The following GSE1 variants were observed in gnomAD, a reference collection of about 807,000 sequenced individuals.
The protein encoded by GSE1 is Gse1 coiled-coil protein.
A neutral mutation model predicts 112.6 loss-of-function variants in GSE1; 32 were observed. The ratio of observed to expected loss-of-function variants is 0.28; its 90% CI spans 0.21 to 0.38. The LOEUF (loss-of-function observed/expected upper bound fraction) is 0.38, where lower values mean the gene tolerates loss of function less well. Among genes scored for constraint, GSE1 ranks in the 10% least tolerant of loss-of-function variants. The pLI is 1.00. For missense variants in GSE1, 2,348 were observed against 1,699.2 expected (o/e 1.38, Z -6.71); for synonymous variants, 1,115 against 735.6 (o/e 1.52, Z -8.35).
chr16:85,345,999 T>A (rs139414911), intron 1 of GSE1, among the ~76,000 whole-genome samples: 7 of 150,446 alleles, frequency 4.7e-5, no homozygotes, highest in Non-Finnish European at 7.4e-5. Flanking sequence ...GATGGATAGA[T>A]GCATGGACAG....
At chr16:85,581,453 C>A (rs977915755) in intron 1 of GSE1, among the ~76,000 whole-genome samples, 2 of 152,108 alleles carry the variant, frequency 1.3e-5, no homozygotes, top group African/African-American at 4.8e-5. Context: ...CTGGGGAGAG[C>A]CTTTTAGGAT....
chr16:85,669,634 C>G (rs1397081615), intron 14 of GSE1, among the ~76,000 whole-genome samples: 1 of 152,204 alleles, frequency 6.6e-6, no homozygotes, highest in African/African-American at 2.4e-5. Flanking sequence ...TGAAATATTT[C>G]CATCTTTGCT....
At chr16:85,580,652 T>G (rs1371299370) in intron 1 of GSE1, among the ~76,000 whole-genome samples, 1 of 152,200 alleles carries the variant, frequency 6.6e-6, no homozygotes. Flanking sequence ...TCCCCCAAAT[T>G]CAGATGTGGA....
At chr16:85,181,107 G>A (rs1180011250) in intron 1 of GSE1, among the ~76,000 whole-genome samples, 1 of 152,246 alleles carries the variant, frequency 6.6e-6, no homozygotes, top group African/African-American at 2.4e-5. Flanking sequence ...GTCAGCCCCA[G>A]CTTCCGCAGC....
intron 1 of GSE1, among the ~76,000 whole-genome samples, chr16:85,334,050 C>G (rs1306425288): frequency 6.6e-6 from 1 of 152,234 alleles, no homozygotes. Context: ...GGGGCCTCTG[C>G]TTTCCTCAGA....
intron 1 of GSE1, among the ~76,000 whole-genome samples, chr16:85,186,198 C>T (rs1439676336): frequency 6.6e-6 from 1 of 152,178 alleles, no homozygotes; most frequent in Non-Finnish European, 1.5e-5. Context: ...AGGTTGGGTA[C>T]AGTGGCTCAC....
rs942636948 is a variant in GSE1, at chr16:85,656,557, A to G, written c.1204A>G (p.Lys402Glu). 1.9e-6 allele frequency: 3 copies of G among 1,548,328 alleles called. No homozygotes were observed. Among genetic ancestry groups the G allele is most frequent in the Non-Finnish European group, 2.6e-6 (3 of 1,146,366 alleles). The change falls in exon 7 of 16, where the codon AAG becomes GAG. Residue 402 changes from lysine (K) to glutamate (E), a missense_variant. Physicochemically the swap from Lys to Glu is moderately conservative, Grantham distance 56 (BLOSUM62 1). Transcript: ENST00000253458. ...RAREKELLAA[K>E]ALEPSFLPVA... ...CCGGGAGAAGGAGCTGCTGGCCGCC[A>G]AGGCCCTGGAGCCCAGCTTCCTGCC... is the stretch of plus-strand genomic sequence containing the variant.
intron 3 of GSE1, among the ~76,000 whole-genome samples, chr16:85,653,393 C>T (rs1043055860): frequency 2.1e-5 from 3 of 144,894 alleles, no homozygotes; most frequent in Non-Finnish European, 4.5e-5. Context: ...GGGCTGGACC[C>T]TGCGTGTGTG....
rs562087710 is a variant in GSE1 at position 85,333,748 on chromosome 16, C to A, written c.2284-23715C>A. Among the ~76,000 whole-genome samples the A allele has an allele frequency of 4.6e-5, 7 of 152,274 alleles. No individual in the cohort carries two copies. The South Asian group carries it at 1.5e-3, about 32-fold the overall frequency. On this transcript the variant is annotated intron_variant, in intron 1 of 2. Coordinates refer to the GSE1 transcript ENST00000637419. ...GGATCTGGACGCCTCTTCTGGAGAT[C>A]TCACTTCCGGAGCACCCGCCATCTC...
chr16:85,560,734 G>A (rs2045479337), intron 1 of GSE1, among the ~76,000 whole-genome samples: 1 of 152,058 alleles, frequency 6.6e-6, no homozygotes, highest in Non-Finnish European at 1.5e-5. Context: ...CCCCTTTCCT[G>A]AACTCCACCA....
chr16:85,611,013 C>T (rs2047946733), upstream of GSE1, among the ~76,000 whole-genome samples: 1 of 152,250 alleles, frequency 6.6e-6, no homozygotes, highest in Non-Finnish European at 1.5e-5. Flanking sequence ...CCTAACCCCA[C>T]CTTCACCCCT....
chr16:85,529,608 ACGGG>A, intron 2 of GSE1, among the ~76,000 whole-genome samples: 1 of 151,924 alleles, frequency 6.6e-6, no homozygotes, highest in East Asian at 1.9e-4. Flanking sequence ...CACCCCCACT[ACGGG>A]GCCCCTTTTC....
chr16:85,366,305 CACAAGAG>C (rs1429463012), intron 2 of GSE1, among the ~76,000 whole-genome samples: 1 of 152,242 alleles, frequency 6.6e-6, no homozygotes, highest in African/African-American at 2.4e-5. Context: ...TCCAGCTCTG[CACAAGAG>C]CCCCCCTTCC....
At chr16:85,364,620 G>A (rs1423450171) in intron 2 of GSE1, among the ~76,000 whole-genome samples, 1 of 152,166 alleles carries the variant, frequency 6.6e-6, no homozygotes, top group South Asian at 2.1e-4. Flanking sequence ...GCTTCCTTGG[G>A]ACTTCCAGAG....
intron 1 of GSE1, among the ~76,000 whole-genome samples, chr16:85,353,823 G>A (rs1172164129): frequency 6.6e-6 from 1 of 152,214 alleles, no homozygotes; most frequent in African/African-American, 2.4e-5. Flanking sequence ...TGCCCTTGCA[G>A]AGTTTCCCCT....
At chr16:85,182,722 G>A (rs1453014990) in intron 1 of GSE1, among the ~76,000 whole-genome samples, 1 of 152,132 alleles carries the variant, frequency 6.6e-6, no homozygotes, top group Non-Finnish European at 1.5e-5. Context: ...GGTCTTCAGG[G>A]AGGCAGGCCA....
At chr16:85,635,880 GT>G (rs1160046764) in intron 2 of GSE1, among the ~76,000 whole-genome samples, 5 of 152,218 alleles carry the variant, frequency 3.3e-5, no homozygotes, top group Non-Finnish European at 7.3e-5. Context: ...GTAGAGAGGT[GT>G]TCAGACTCGC....
chr16:85,508,124 C>T (rs117434127), intron 2 of GSE1, among the ~76,000 whole-genome samples: 2,910 of 152,278 alleles, frequency 0.019, 26 homozygotes, highest in South Asian at 0.074. Flanking sequence ...AATGTCCGTC[C>T]TCGGGTTCAA....
chr16:85,330,340 GC>G lies in GSE1; in HGVS notation c.2284-27121del, dbSNP rs556352140. ...GAGTGCTGTGGGGTGGGGGCCACCA[GC>G]CAAGGAACGCAGGGGCCTGGAGAAG... On this transcript the variant is annotated intron_variant, in intron 1 of 2. Transcript: ENST00000637419. 3.3e-4 allele frequency among the ~76,000 whole-genome samples: 51 copies of G among 152,354 alleles called. No individual in the cohort carries two copies. The South Asian group carries it at 0.01, about 31-fold the overall frequency.
Sources: allele counts gnomAD v4.1 joint callset (sites outside exome capture counted in the v4.1 genomes callset), GRCh38; gene constraint gnomAD v4.1.1; transcripts MANE v1.5; gene names NCBI Gene and HGNC (gene_info 2026-07-23, HGNC 2026-07-21).